The following UBE2R2 variants were observed in gnomAD, a reference collection of about 807,000 sequenced individuals.
UBE2R2 encodes the protein ubiquitin-conjugating enzyme E2 R2.
Under a neutral mutation model 27.8 loss-of-function variants are expected in UBE2R2, and 1 was observed. The observed-to-expected ratio is 0.04, with a 90% CI of 0.01 to 0.17. UBE2R2 has a LOEUF of 0.17. Ranked by LOEUF, UBE2R2 falls within the 10% of genes least tolerant of loss-of-function variation. The pLI is 1.00. For synonymous variants in UBE2R2, 106 were observed against 113.3 expected (o/e 0.94, Z 0.41); for missense variants, 100 against 291.0 (o/e 0.34, Z 4.78).
intron 3 of UBE2R2, among the ~76,000 whole-genome samples, chr9:33,901,237 A>G (rs1570777): frequency 0.33 from 49,620 of 152,016 alleles, 8,747 homozygotes; most frequent in African/African-American, 0.46. Context: ...TTTTCTCATG[A>G]TTAGTCTAGG....
chr9:33,914,718 C>T lies in UBE2R2; in HGVS notation c.498-2300C>T, dbSNP rs373929051. Among the ~76,000 whole-genome samples, 111 of 152,018 alleles carry T rather than the reference C, an allele frequency of 7.3e-4. 1 individual carries two copies. The South Asian group carries it at 0.022, about 30-fold the overall frequency. ...TGGCACACACCTGTAATCCCAGCTA[C>T]TCGGGAGGCTGAAGGCAAGAGAATT... On this transcript the variant is annotated intron_variant, in intron 4 of 4. Coordinates refer to ENST00000263228, the MANE Select transcript of UBE2R2 (RefSeq NM_017811.4).
chr9:33,817,775 G>C lies in UBE2R2; in HGVS notation c.18G>C (p.Met6Ile). MAQQQ[M>I]TSSQKALMLE... ...CCGCCGCGATGGCCCAGCAGCAGAT[G>C]ACCAGCTCGCAGAAGGCCCTGATGC... Residue 6 changes from methionine (M) to isoleucine (I), a missense_variant, in exon 1 of 5, where the codon ATG becomes ATC. Physicochemically the swap from Met to Ile is conservative, Grantham distance 10. Around this residue, in one of 3 missense-constraint regions of UBE2R2, gnomAD observed 43 missense variants for 129.2 expected, o/e 0.33. Transcript: ENST00000263228. 1 of 1,593,824 alleles carries C rather than the reference G, an allele frequency of 6.3e-7. No individual in the cohort carries two copies. The highest frequency in any genetic ancestry group is 8.5e-7 in the Non-Finnish European group (1 of 1,170,914).
chr9:33,828,301 C>CAA (rs774959128), intron 1 of UBE2R2, among the ~76,000 whole-genome samples: 4 of 82,170 alleles, frequency 4.9e-5, no homozygotes, highest in South Asian at 4.1e-4. Flanking sequence ...GACTATTTCT[C>CAA]AAAAAAAAAA....
chr9:33,881,344 A>G (rs1334219811), intron 1 of UBE2R2, among the ~76,000 whole-genome samples: 1 of 152,218 alleles, frequency 6.6e-6, no homozygotes, highest in Non-Finnish European at 1.5e-5. Flanking sequence ...TCACCCTTTT[A>G]AAGTATATAG....
chr9:33,873,950 AT>A (rs11321860), intron 1 of UBE2R2, among the ~76,000 whole-genome samples: 42,710 of 143,856 alleles, frequency 0.3, 6,329 homozygotes, highest in African/African-American at 0.36. Context: ...CCTGGCCTAA[AT>A]TTTTTTTTTT....
At chr9:33,887,646 T>TTTTGTTTGTTTG (rs201263026) in intron 2 of UBE2R2, among the ~76,000 whole-genome samples, 1 of 150,124 alleles carries the variant, frequency 6.7e-6, no homozygotes, top group Non-Finnish European at 1.5e-5. Flanking sequence ...AAGTGTGCTT[T>TTTTGTTTGTTTG]TTTGTTTGTT....
chr9:33,865,162 C>A (rs1382671704), intron 1 of UBE2R2, among the ~76,000 whole-genome samples: 1 of 151,608 alleles, frequency 6.6e-6, no homozygotes, highest in Non-Finnish European at 1.5e-5. Flanking sequence ...GCCCAACTTA[C>A]TTCCTTTCTG....
chr9:33,864,921 C>T (rs756034183), intron 1 of UBE2R2, among the ~76,000 whole-genome samples: 11 of 152,038 alleles, frequency 7.2e-5, no homozygotes, highest in Non-Finnish European at 1.3e-4. Flanking sequence ...GATAGGGTTT[C>T]GCTGTGTTGG....
chr9:33,885,867 A>G (rs1821842055), intron 1 of UBE2R2, among the ~76,000 whole-genome samples: 1 of 152,212 alleles, frequency 6.6e-6, no homozygotes, highest in Non-Finnish European at 1.5e-5. Context: ...TATATAAAAT[A>G]CGGGGATACT....
intron 1 of UBE2R2, 69 bp downstream of exon 1, chr9:33,818,003 G>A (rs1825850535): frequency 3.9e-6 from 6 of 1,558,324 alleles, no homozygotes; most frequent in Non-Finnish European, 5.2e-6. Context: ...GCTTTCTGCA[G>A]TTCCTGGGAC....
chr9:33,864,239 A>C (rs1831369209), intron 1 of UBE2R2, among the ~76,000 whole-genome samples: 1 of 152,186 alleles, frequency 6.6e-6, no homozygotes, highest in African/African-American at 2.4e-5. Context: ...TAGCACTAGA[A>C]TGTCTTTCCT....
At chr9:33,907,037 C>CT (rs1162312791) in intron 3 of UBE2R2, among the ~76,000 whole-genome samples, 1 of 152,182 alleles carries the variant, frequency 6.6e-6, no homozygotes, top group Non-Finnish European at 1.5e-5. Context: ...TTTGCTTTGT[C>CT]TTTTAAACAC....
At chr9:33,906,174 G>A (rs1450538290) in intron 3 of UBE2R2, among the ~76,000 whole-genome samples, 2 of 152,114 alleles carry the variant, frequency 1.3e-5, no homozygotes, top group Non-Finnish European at 2.9e-5. Flanking sequence ...CCCAGCTGGA[G>A]TGCAATGGTG....
Position 33,917,750 on chromosome 9 carries a change from T to C in UBE2R2, c.*513T>C, listed in dbSNP as rs1057268307. ...GCCAAGGTTTAGCTGCTCATTTACA[T>C]TAGTGTGTGTGCATTCGTTCAGCCC... On this transcript the variant is annotated 3_prime_UTR_variant, in exon 5 of 5. Transcript: ENST00000263228. 99 of 163,100 alleles carry C rather than the reference T, an allele frequency of 6.1e-4. No homozygotes were observed. Among genetic ancestry groups the C allele is most frequent in the African/African-American group, 2.2e-3 (92 of 41,524 alleles). 10.1% of individuals were successfully genotyped at this position (163,100 alleles called of 1,614,324 possible).
intron 1 of UBE2R2, among the ~76,000 whole-genome samples, chr9:33,875,314 C>T (rs1428192874): frequency 6.6e-6 from 1 of 152,146 alleles, no homozygotes; most frequent in Non-Finnish European, 1.5e-5. Flanking sequence ...TTACTAAGAT[C>T]TATAATGGGT....
chr9:33,831,912 C>T (rs1820493594), intron 1 of UBE2R2, among the ~76,000 whole-genome samples: 3 of 150,872 alleles, frequency 2.0e-5, no homozygotes, highest in African/African-American at 7.4e-5. Context: ...CTGCCTGCTT[C>T]AGCCTCCCAA....
At chr9:33,863,188 CAAAA>C (rs544206798) in intron 1 of UBE2R2, among the ~76,000 whole-genome samples, 6 of 106,026 alleles carry the variant, frequency 5.7e-5, no homozygotes, top group Admixed American at 1.0e-4. Flanking sequence ...GAGACTCCCT[CAAAA>C]AAAAAAAAAA....
At chr9:33,829,804 T>TG (rs1358240853) in intron 1 of UBE2R2, among the ~76,000 whole-genome samples, 3 of 150,478 alleles carry the variant, frequency 2.0e-5, no homozygotes, top group Non-Finnish European at 4.4e-5. Context: ...TTTTTTTTTT[T>TG]TTTTTTTTTT....
At position 33,817,599 on chromosome 9, in the gene UBE2R2, G is replaced by A. The variant is rs555944977; in HGVS notation, c.-159G>A. The A allele has an allele frequency of 1.6e-4, 137 of 862,578 alleles. No individual in the cohort carries two copies. The African/African-American group carries it at 2.4e-3, about 15-fold the overall frequency. The allele number at this position is 862,578 out of a possible 1,614,324, so 53.4% of individuals were successfully genotyped here. On this transcript the variant is annotated 5_prime_UTR_variant, in exon 1 of 5. Coordinates refer to ENST00000263228, the MANE Select transcript of UBE2R2 (RefSeq NM_017811.4). ...TGAGGAGGACCCCGGGCGGGCCCAC[G>A]GGCCGTGTGGGGCCTGGTCTGGCCC...
Sources: allele counts gnomAD v4.1 joint callset (sites outside exome capture counted in the v4.1 genomes callset), GRCh38; gene constraint gnomAD v4.1.1; regional missense constraint gnomAD v4.1.1; transcripts MANE v1.5; gene names NCBI Gene and HGNC (gene_info 2026-07-23, HGNC 2026-07-21).